The following VWF variants were observed in gnomAD, a reference collection of about 807,000 sequenced individuals.
VWF encodes von Willebrand factor.
In VWF, 176 loss-of-function variants were observed where a neutral mutation model predicts 308.6. The observed-to-expected ratio is 0.57, with a 90% CI of 0.50 to 0.65. The LOEUF (loss-of-function observed/expected upper bound fraction) is 0.65, where lower values mean the gene tolerates loss of function less well. Among genes scored for constraint, VWF ranks in the 30% least tolerant of loss-of-function variants. VWF has a pLI of 0.00. For synonymous variants in VWF, 1,385 were observed against 1,443.4 expected (o/e 0.96, Z 0.92); for missense variants, 3,146 against 3,648.2 (o/e 0.86, Z 3.55).
intron 5 of VWF, among the ~76,000 whole-genome samples, chr12:6,103,439 T>C (rs1945200351): frequency 1.6e-5 from 2 of 125,852 alleles, no homozygotes; most frequent in Non-Finnish European, 3.2e-5. Flanking sequence ...CACGTGTGTA[T>C]ATACATACAC....
intron 18 of VWF, among the ~76,000 whole-genome samples, chr12:6,040,913 G>T (rs1465503609): frequency 6.6e-6 from 1 of 152,188 alleles, no homozygotes; most frequent in African/African-American, 2.4e-5. Flanking sequence ...TGGACACTGA[G>T]AGGCACCTTA....
chr12:5,968,075 A>ACC (rs1943424341), intron 46 of VWF, 52 bp downstream of exon 46: 1 of 1,611,030 alleles, frequency 6.2e-7, no homozygotes, highest in African/African-American at 1.3e-5. Flanking sequence ...TTCCCACAGT[A>ACC]CCCCCTTCCC....
chr12:6,091,560 T>C (rs888314298), intron 6 of VWF, among the ~76,000 whole-genome samples: 2 of 152,182 alleles, frequency 1.3e-5, no homozygotes, highest in Non-Finnish European at 2.9e-5. Context: ...GGTTTTGTTT[T>C]ATAGACAGGG....
At chr12:6,054,245 C>T (rs1283014165) in intron 15 of VWF, among the ~76,000 whole-genome samples, 1 of 152,200 alleles carries the variant, frequency 6.6e-6, no homozygotes, top group African/African-American at 2.4e-5. Flanking sequence ...TTGAAGGTAG[C>T]TGGGAAGGGA....
rs147904315 is a variant in VWF, at chr12:6,038,370, C to T, written c.2443-1879G>A. Among the ~76,000 whole-genome samples the T allele has an allele frequency of 3.6e-3, 550 of 152,322 alleles. 3 individuals carry two copies. Among genetic ancestry groups the T allele is most frequent in the Non-Finnish European group, 5.4e-3 (370 of 68,022 alleles). On this transcript the variant is annotated intron_variant, in intron 18 of 51. Coordinates refer to ENST00000261405, the MANE Select transcript of VWF (RefSeq NM_000552.5). ...ACCATGTGGGACAGAAGTGCAGGGA[C>T]GGACTCCAGGAAACAGAGCCAGGCT...
chr12:6,082,256 C>T (rs767279622), intron 6 of VWF, among the ~76,000 whole-genome samples: 33 of 152,238 alleles, frequency 2.2e-4, no homozygotes, highest in Non-Finnish European at 3.2e-4. Context: ...TGAGCCACCG[C>T]GCCTGGCCTA....
intron 38 of VWF, among the ~76,000 whole-genome samples, chr12:5,988,762 C>T (rs1943706793): frequency 1.3e-5 from 2 of 152,360 alleles, no homozygotes; most frequent in African/African-American, 4.8e-5. Flanking sequence ...GCAGATGGCA[C>T]TGCTGCACAA....
At chr12:6,087,566 T>C (rs3782714) in intron 6 of VWF, among the ~76,000 whole-genome samples, 15,238 of 131,678 alleles carry the variant, frequency 0.12, 1,662 homozygotes, top group East Asian at 0.38. Flanking sequence ...GGGGCTTCAC[T>C]GTGTTAGCCA....
rs61753983 is a variant in VWF, at chr12:6,123,142, C to T, written c.55G>A (p.Gly19Arg). ...GAAATGGAGGCCCTTTTGTACCTAC[C>T]TGGCAAAATGAGGGCCAGAGCAAGC... is the stretch of plus-strand genomic sequence containing the variant. ...VLLALALILP[G>R]TLCAEGTRGR... The change falls in exon 2 of 52, where the codon GGG (glycine) becomes AGG (arginine). Residue 19 changes from glycine to arginine, a missense_variant and splice_region_variant. Transcript: ENST00000261405. 7.1e-5 allele frequency: 114 copies of T among 1,614,206 alleles called. No homozygotes were observed. The South Asian group carries it at 1.1e-3, about 15-fold the overall frequency.
chr12:5,949,600 T>A (rs543735285), intron 51 of VWF, among the ~76,000 whole-genome samples, 186 bp downstream of exon 51: 1 of 152,338 alleles, frequency 6.6e-6, no homozygotes, highest in East Asian at 1.9e-4. Context: ...TTTTTGTTTT[T>A]TTCCTGGAGT....
intron 43 of VWF, among the ~76,000 whole-genome samples, chr12:5,974,943 A>AT (rs1383867813): frequency 2.0e-5 from 3 of 152,176 alleles, no homozygotes; most frequent in African/African-American, 7.2e-5. Flanking sequence ...AACACGAAAT[A>AT]TATTGGTTGT....
At chr12:5,973,042 G>C (rs1943494365) in intron 43 of VWF, among the ~76,000 whole-genome samples, 1 of 152,112 alleles carries the variant, frequency 6.6e-6, no homozygotes, top group Non-Finnish European at 1.5e-5. Flanking sequence ...ATTACGGATG[G>C]CTCCCAGGCC....
At chr12:6,108,334 T>TACACACACACACAC (rs34140032) in intron 5 of VWF, among the ~76,000 whole-genome samples, 1,481 of 124,094 alleles carry the variant, frequency 0.012, 15 homozygotes, top group Non-Finnish European at 0.019. Context: ...AAGAAATATA[T>TACACACACACACAC]ACACACACAC....
Position 6,064,385 on chromosome 12 carries a change from C to T in VWF, c.1294-1G>A. 1 of 1,614,112 alleles carries T rather than the reference C, an allele frequency of 6.2e-7. No individual in the cohort carries two copies. ...ACACAGCGTCGCGGTCATCAGCACA[C>T]TGCCAAGAGGGAACACAGGGTGACT... On this transcript the variant is annotated splice_acceptor_variant, in intron 11 of 51. Coordinates refer to ENST00000261405, the MANE Select transcript of VWF (RefSeq NM_000552.5). LOFTEE classifies it high-confidence loss of function.
chr12:6,022,084 G>C (rs116243373), intron 26 of VWF, 49 bp from the exon 27 acceptor site: 2 of 1,612,760 alleles, frequency 1.2e-6, no homozygotes. Context: ...CCTTTCCCAC[G>C]AGGAAGCCTC....
chr12:6,093,654 G>T (rs1015827522), intron 6 of VWF, among the ~76,000 whole-genome samples: 3 of 152,178 alleles, frequency 2.0e-5, no homozygotes, highest in Admixed American at 1.3e-4. Context: ...TTCCCCACAG[G>T]AGTCCAGCTT....
At position 6,019,223 on chromosome 12, in the gene VWF, G is replaced by A. The variant is rs61750077; in HGVS notation, c.4195C>T (p.Arg1399Cys). Residue 1399 changes from arginine (R) to cysteine (C), a missense_variant, in exon 28 of 52, where the codon CGC becomes TGC. By Grantham distance (180) the Arg-to-Cys change is radical. Transcript: ENST00000261405. The surrounding 1 kb of genome is among the most constrained non-coding windows in gnomAD (Gnocchi z 5.8). The part of the protein sequence containing the change: ...EPQRMSRNFV[R>C]YVQGLKKKKV... ...TTCTTCTTCAGGCCCTGGACGTAGC[G>A]GACAAAGTTCCGGGACATCCGTTGG... 83 of 1,613,776 alleles carry A rather than the reference G, an allele frequency of 5.1e-5. No individual in the cohort carries two copies. Among genetic ancestry groups the A allele is most frequent in the African/African-American group, 1.1e-4 (8 of 74,886 alleles).
intron 37 of VWF, among the ~76,000 whole-genome samples, chr12:5,993,654 TATA>T (rs1943769064): frequency 7.0e-6 from 1 of 143,700 alleles, no homozygotes; most frequent in African/African-American, 2.7e-5. Flanking sequence ...TGTGTGTATA[TATA>T]TATATATACA....
rs140851154 is a variant in VWF at position 6,102,170 on chromosome 12, G to A, written c.533-6586C>T. On this transcript the variant is annotated intron_variant, in intron 5 of 51. Coordinates refer to ENST00000261405, the MANE Select transcript of VWF (RefSeq NM_000552.5). ...AAAACCATTACAGTCAGCTGGGCAA[G>A]GTGGCTCACACCTGTAATCCCAGCA... 2.0e-3 allele frequency among the ~76,000 whole-genome samples: 310 copies of A among 152,386 alleles called. 2 individuals carry two copies. In the East Asian group the frequency reaches 0.027, roughly 13 times the overall value.
Sources: gnomAD v4.1 joint callset for allele counts (sites outside exome capture counted in the v4.1 genomes callset) on GRCh38, gnomAD v4.1.1 for gene constraint, Gnocchi (gnomAD v3.1) non-coding constraint, MANE v1.5 for transcripts, NCBI Gene and HGNC (gene_info 2026-07-23, HGNC 2026-07-21) for gene names.